The following TAF1 variants were observed in gnomAD, a reference collection of about 807,000 sequenced individuals.
The protein encoded by TAF1 is transcription initiation factor TFIID subunit 1.
In TAF1, 2 loss-of-function variants were observed where a neutral mutation model predicts 138.5. That is an observed-to-expected ratio of 0.01 (90% CI 0.01 to 0.05). The LOEUF is 0.05. TAF1 is among the 10% of genes least tolerant of loss of function. The pLI is 1.00. For synonymous variants in TAF1, 437 were observed against 503.2 expected (o/e 0.87, Z 1.76); for missense variants, 709 against 1,478.0 (o/e 0.48, Z 8.53).
chrX:71,484,495 G>A (rs2039137487), intron 13 of TAF1, among the ~76,000 whole-genome samples: 1 of 110,269 alleles, frequency 9.1e-6, no homozygotes, highest in African/African-American at 3.3e-5. Flanking sequence ...ACCACACCCA[G>A]ATAATTTTTG....
chrX:71,493,249 G>A (rs1232320767), intron 13 of TAF1, among the ~76,000 whole-genome samples: 1 of 111,275 alleles, frequency 9.0e-6, no homozygotes, highest in Non-Finnish European at 1.9e-5. Flanking sequence ...TCCTGACCTC[G>A]TGATCCGCCC....
intron 13 of TAF1, among the ~76,000 whole-genome samples, chrX:71,477,063 C>T (rs1478718206): frequency 2.8e-5 from 3 of 108,829 alleles, no homozygotes; most frequent in Non-Finnish European, 5.7e-5. Context: ...CTCAGCCTCC[C>T]GAGTAGCTGG....
intron 13 of TAF1, among the ~76,000 whole-genome samples, chrX:71,477,908 C>CA (rs1196480689): frequency 9.1e-6 from 1 of 110,226 alleles, no homozygotes; most frequent in Non-Finnish European, 1.9e-5. Context: ...GCAGGAGACT[C>CA]ACTTGAGCGC....
intron 25 of TAF1, among the ~76,000 whole-genome samples, chrX:71,405,055 C>T (rs2035391500): frequency 1.9e-5 from 2 of 103,172 alleles, no homozygotes; most frequent in East Asian, 3.1e-4. Context: ...CTCCCAGGTT[C>T]AAGAGATTCT....
chrX:71,514,143 T>C (rs898208495), intron 13 of TAF1, among the ~76,000 whole-genome samples: 1 of 111,404 alleles, frequency 9.0e-6, no homozygotes, highest in Non-Finnish European at 1.9e-5. Flanking sequence ...GGCTTCATTC[T>C]TGAAGTCAGC....
chrX:71,389,571 C>T lies in TAF1; in HGVS notation c.2701-14C>T. 1 of 1,191,014 alleles carries T rather than the reference C, an allele frequency of 8.4e-7. No homozygotes were observed. Among genetic ancestry groups the T allele is most frequent in the Non-Finnish European group, 1.1e-6 (1 of 885,522 alleles). On this transcript the variant is annotated splice_polypyrimidine_tract_variant and intron_variant, in intron 17 of 37. Transcript: ENST00000423759. ...TTAACTGACTGATTTATGCATGGAT[C>T]TGTCCTCTTCCAGGATGCTGGCTAT...
intron 13 of TAF1, among the ~76,000 whole-genome samples, chrX:71,478,499 A>C (rs1317479263): frequency 9.0e-6 from 1 of 110,748 alleles, no homozygotes; most frequent in Non-Finnish European, 1.9e-5. Context: ...CCTCCAGCCT[A>C]GGTGATAGAG....
chrX:71,483,778 C>A (rs56968504), intron 13 of TAF1, among the ~76,000 whole-genome samples: 10,748 of 51,809 alleles, frequency 0.21, 1,247 homozygotes, highest in Non-Finnish European at 0.22. Context: ...CTCTCTCTCT[C>A]TCTATATATA....
At chrX:71,514,757 A>G (rs1382811734) in intron 13 of TAF1, among the ~76,000 whole-genome samples, 1 of 111,997 alleles carries the variant, frequency 8.9e-6, no homozygotes, top group Non-Finnish European at 1.9e-5. Flanking sequence ...GATGGGCCAC[A>G]TGCCAGTATC....
chrX:71,463,391 C>T (rs944905085), intron 37 of TAF1, among the ~76,000 whole-genome samples: 1 of 109,834 alleles, frequency 9.1e-6, no homozygotes, highest in Non-Finnish European at 1.9e-5. Flanking sequence ...GGCGGCATGA[C>T]GACTTATTTC....
intron 35 of TAF1, among the ~76,000 whole-genome samples, chrX:71,458,794 A>G (rs1415501193): frequency 8.9e-6 from 1 of 112,147 alleles, no homozygotes; most frequent in African/African-American, 3.2e-5. Context: ...CAGCTTTTCT[A>G]CAGCTATTCT....
Position 71,505,835 on chromosome X carries a change from A to G in TAF1, c.1367-22707A>G, listed in dbSNP as rs184215381. On this transcript the variant is annotated intron_variant and NMD_transcript_variant, in intron 13 of 14. Coordinates refer to the TAF1 transcript ENST00000373775. ...CAGGGGTTCGAGACCAGCCTGACCAAGATGGAGAAACCCCATCTCTACTAA... is the reference window on the plus strand; with the variant it reads ...CAGGGGTTCGAGACCAGCCTGACCAGGATGGAGAAACCCCATCTCTACTAA... Among the ~76,000 whole-genome samples, 6 of 111,007 alleles carry G rather than the reference A, an allele frequency of 5.4e-5. No individual in the cohort carries two copies. The East Asian group carries it at 1.7e-3, about 32-fold the overall frequency.
intron 30 of TAF1, 34 bp downstream of exon 30, chrX:71,423,273 C>G (rs779690937): frequency 8.3e-7 from 1 of 1,208,635 alleles, no homozygotes; most frequent in East Asian, 3.0e-5. Context: ...CTGTGAGGAT[C>G]GTGCAGGGGA....
intron 28 of TAF1, chrX:71,420,018 A>G: frequency 3.4e-6 from 1 of 290,688 alleles, no homozygotes; most frequent in East Asian, 7.1e-5. Flanking sequence ...TATTTTTTTT[A>G]ATTCTTTTTT....
In TAF1 at chrX:71,503,683, A is replaced by G. The variant is rs749176049; in HGVS notation, c.1367-24859A>G. ...ATCCTTCACGGAGAATGCTTTGTAT[A>G]TGTGGTGTAATGTGGCTGGTTCAAC... On this transcript the variant is annotated intron_variant and NMD_transcript_variant, in intron 13 of 14. Coordinates refer to the TAF1 transcript ENST00000373775. Among the ~76,000 whole-genome samples, 3 of 109,739 alleles carry G rather than the reference A, an allele frequency of 2.7e-5. No individual in the cohort carries two copies. The South Asian group carries it at 1.2e-3, about 43-fold the overall frequency.
intron 13 of TAF1, among the ~76,000 whole-genome samples, chrX:71,514,685 A>G (rs1206156314): frequency 9.0e-6 from 1 of 111,566 alleles, no homozygotes; most frequent in East Asian, 2.8e-4. Context: ...TGATTGTGTC[A>G]TCTTCATAGA....
chrX:71,445,813 T>C (rs1308016046), intron 32 of TAF1, among the ~76,000 whole-genome samples: 2 of 112,002 alleles, frequency 1.8e-5, no homozygotes, highest in East Asian at 2.8e-4. Context: ...TTTAAACTTA[T>C]TTCTTAGCAT....
At chrX:71,377,291 T>C in intron 5 of TAF1, 100 bp downstream of exon 5, 1 of 1,126,944 alleles carries the variant, frequency 8.9e-7, no homozygotes, top group Non-Finnish European at 1.2e-6. Context: ...GTTTCCTTAC[T>C]CAGTGACATA....
At chrX:71,426,792 C>A (rs1422256664) in intron 32 of TAF1, among the ~76,000 whole-genome samples, 3 of 110,830 alleles carry the variant, frequency 2.7e-5, no homozygotes, top group Non-Finnish European at 5.7e-5. Context: ...TTTTGAGAGG[C>A]AGGCAAGAGT....
Sources: gnomAD v4.1 joint callset for allele counts (sites outside exome capture counted in the v4.1 genomes callset) on GRCh38, gnomAD v4.1.1 for gene constraint, MANE v1.5 for transcripts, NCBI Gene and HGNC (gene_info 2026-07-23, HGNC 2026-07-21) for gene names.